Variants in NUP133 observed in about 807,000 individuals in gnomAD.
NUP133 encodes nucleoporin 133.
In NUP133, 66 loss-of-function variants were observed where a neutral mutation model predicts 146.2. The ratio of observed to expected loss-of-function variants is 0.45; its 90% CI spans 0.37 to 0.55. The LOEUF is 0.55. Among genes scored for constraint, NUP133 ranks in the 20% least tolerant of loss-of-function variants. NUP133 has a pLI of 0.00. For synonymous variants in NUP133, 521 were observed against 498.8 expected, an observed-to-expected ratio of 1.04 and a Z score of -0.59; for missense variants, 1,277 against 1,374.8, an observed-to-expected ratio of 0.93 and a Z score of 1.12.
chr1:229,448,990 T>C (rs1660379226), intron 24 of NUP133, 136 bp downstream of exon 24: 1 of 684,854 alleles, frequency 1.5e-6, no homozygotes, highest in African/African-American at 1.8e-5. Context: ...CAGAACTCAC[T>C]GGTTGCCCAG....
intron 8 of NUP133, among the ~76,000 whole-genome samples, chr1:229,493,988 G>A (rs151338260): frequency 0.027 from 4,119 of 151,990 alleles, 183 homozygotes; most frequent in African/African-American, 0.092. Flanking sequence ...AAAACTAGCC[G>A]GGAGTGGTGG....
intron 21 of NUP133, among the ~76,000 whole-genome samples, chr1:229,456,726 AT>A (rs1457436640): frequency 1.4e-5 from 2 of 146,536 alleles, no homozygotes; most frequent in Admixed American, 1.4e-4. Flanking sequence ...GATAAAATGT[AT>A]ATATATGTGT....
Position 229,462,564 on chromosome 1 carries a change from A to AT in NUP133, c.2685+978dup, listed in dbSNP as rs879753600. On this transcript the variant is annotated intron_variant, in intron 19 of 25. Transcript: ENST00000261396. ...CACTTAAGATAGTGTCACAATGGAA[A>AT]TTTTTTTTTTTTTTAAAGATAGGTC... Among the ~76,000 whole-genome samples, 235 of 146,102 alleles carry AT rather than the reference A, an allele frequency of 1.6e-3. 1 individual carries two copies. The highest frequency in any genetic ancestry group is 3.6e-3 in the African/African-American group (144 of 39,824).
chr1:229,466,614 C>A lies in NUP133; in HGVS notation c.2199+20G>T, dbSNP rs371892618. The A allele has an allele frequency of 8.9e-5, 143 of 1,613,508 alleles. No individual in the cohort carries two copies. The highest frequency in any genetic ancestry group is 3.3e-4 in the Middle Eastern group (2 of 6,058). On this transcript the variant is annotated intron_variant, in intron 16 of 25. Transcript: ENST00000261396. The stretch of plus-strand genomic sequence containing the variant: ...TGCCCTGGGCTTTGATTTGCTGAAG[C>A]CTTTACTATATTTTTGTACCTTGAG...
At chr1:229,498,670 T>G (rs1208919585) in intron 5 of NUP133, among the ~76,000 whole-genome samples, 2 of 151,444 alleles carry the variant, frequency 1.3e-5, no homozygotes, top group Admixed American at 6.6e-5. Context: ...GCACAAGAAT[T>G]GCTTGAACCC....
At chr1:229,471,723 T>G (rs1432141986) in intron 14 of NUP133, among the ~76,000 whole-genome samples, 4 of 152,216 alleles carry the variant, frequency 2.6e-5, no homozygotes, top group African/African-American at 4.8e-5. Flanking sequence ...TTAAGTATAA[T>G]TCTCTTTCGT....
intron 20 of NUP133, among the ~76,000 whole-genome samples, chr1:229,459,611 T>G (rs925724545): frequency 2.6e-5 from 4 of 152,194 alleles, no homozygotes; most frequent in Admixed American, 6.5e-5. Context: ...ATTCCACATA[T>G]GAGTTATTTG....
In NUP133 at chr1:229,473,671, C is replaced by T. The variant is rs186434005; in HGVS notation, c.1851+1967G>A. On this transcript the variant is annotated intron_variant, in intron 14 of 25. Coordinates refer to ENST00000261396, the MANE Select transcript of NUP133 (RefSeq NM_018230.3). ...GGGCACAGTGGCTCACACCTGTAAT[C>T]GCAGCACTTTGGGAGGCAGAGGCAG... 2.4e-4 allele frequency among the ~76,000 whole-genome samples: 37 copies of T among 152,254 alleles called. 1 individual carries two copies. In the East Asian group the frequency reaches 5.8e-3, roughly 24 times the overall value.
chr1:229,508,265 CG>C lies in NUP133; in HGVS notation c.-17del. The stretch of plus-strand genomic sequence containing the variant: ...CTGGGAACATGACTCCAAGGAGCAG[CG>C]ACTAGGACAGCGAGGGATCTGGCCG... On this transcript the variant is annotated 5_prime_UTR_variant, in exon 1 of 26. Transcript: ENST00000261396. The C allele has an allele frequency of 6.8e-7, 1 of 1,467,142 alleles. No homozygotes were observed. Among genetic ancestry groups the C allele is most frequent in the Non-Finnish European group, 9.0e-7 (1 of 1,106,384 alleles). The allele number at this position is 1,467,142 out of a possible 1,614,324, so 90.9% of individuals were successfully genotyped here. A position where few individuals can be genotyped will look rare whatever the true frequency, so the allele number is the denominator to read the frequency against.
At chr1:229,464,123 C>A (rs567802533) in intron 18 of NUP133, among the ~76,000 whole-genome samples, 25 of 151,902 alleles carry the variant, frequency 1.6e-4, no homozygotes, top group Non-Finnish European at 2.8e-4. Flanking sequence ...ACAGCCTGGG[C>A]GAGAGAGTGA....
At chr1:229,466,863 G>A in intron 15 of NUP133, 107 bp from the exon 16 acceptor site, 1 of 886,314 alleles carries the variant, frequency 1.1e-6, no homozygotes, top group Non-Finnish European at 1.6e-6. Flanking sequence ...ACCTATAGAT[G>A]GAGGAAAATT....
intron 13 of NUP133, among the ~76,000 whole-genome samples, chr1:229,476,942 A>AAAC (rs1243847618): frequency 2.4e-4 from 33 of 140,324 alleles, no homozygotes; most frequent in Admixed American, 1.5e-3. Flanking sequence ...AAAAAAAAAC[A>AAAC]AAAAAAAAAA....
chr1:229,461,680 G>A (rs1351625713), intron 19 of NUP133, among the ~76,000 whole-genome samples: 8 of 151,944 alleles, frequency 5.3e-5, no homozygotes, highest in Non-Finnish European at 8.8e-5. Context: ...ATAAAAGCAG[G>A]CAACATAAAC....
In NUP133 at chr1:229,495,904, G is replaced by A. The variant is rs34881534; in HGVS notation, c.963C>T (p.Thr321=). 8,682 of 1,592,694 alleles carry A rather than the reference G, an allele frequency of 5.5e-3. 411 individuals carry two copies. In the African/African-American group the frequency reaches 0.1, roughly 19 times the overall value. ...TATTGTTTCTTACCCAAATAGCATCGGTAATGTTTTCCTTCAGGGCTCTAT... is the reference window on the plus strand; with the variant it reads ...TATTGTTTCTTACCCAAATAGCATCAGTAATGTTTTCCTTCAGGGCTCTAT... ...DINRALKENI[T]DAIWGSESNY... is the part of the protein sequence containing the mutation. Residue 321 remains threonine, a synonymous_variant, in exon 7 of 26, where the codon ACC becomes ACT. Transcript: ENST00000261396.
At chr1:229,506,185 AC>A (rs1301595949) in intron 1 of NUP133, 27 bp from the exon 2 acceptor site, 3 of 1,291,926 alleles carry the variant, frequency 2.3e-6, no homozygotes, top group African/African-American at 1.5e-5. Flanking sequence ...ATATTACCTT[AC>A]TTGTAACTTA....
Position 229,458,148 on chromosome 1 carries a change from CA to C in NUP133, c.2980+12del, listed in dbSNP as rs946629943. 37 of 1,606,384 alleles carry C rather than the reference CA, an allele frequency of 2.3e-5. 1 individual carries two copies. The highest frequency in any genetic ancestry group is 8.5e-5 in the Admixed American group (5 of 58,824). On this transcript the variant is annotated intron_variant, in intron 21 of 25. Coordinates refer to ENST00000261396, the MANE Select transcript of NUP133 (RefSeq NM_018230.3). ...TGACCAATTTGTAAATCCTTTTGCT[CA>C]AATTCTTTCACCTTCAATTTTTTCT...
intron 9 of NUP133, among the ~76,000 whole-genome samples, chr1:229,488,603 G>T (rs1661420769): frequency 6.6e-6 from 1 of 151,130 alleles, no homozygotes; most frequent in African/African-American, 2.4e-5. Context: ...GTTTATTTCT[G>T]TTTGGCATAA....
chr1:229,450,395 T>A, intron 23 of NUP133, 130 bp downstream of exon 23: 1 of 490,206 alleles, frequency 2.0e-6, no homozygotes, highest in South Asian at 3.5e-5. Context: ...ATTCTAAGGA[T>A]TAAAGGTAGT....
At chr1:229,505,917 A>G in intron 2 of NUP133, 123 bp downstream of exon 2, 1 of 614,948 alleles carries the variant, frequency 1.6e-6, no homozygotes, top group Non-Finnish European at 2.9e-6. Flanking sequence ...AACACTAGAC[A>G]GGCCACCCAT....
Sources: allele counts gnomAD v4.1 joint callset (sites outside exome capture counted in the v4.1 genomes callset), GRCh38; gene constraint gnomAD v4.1.1; transcripts MANE v1.5; gene names NCBI Gene and HGNC (gene_info 2026-07-23, HGNC 2026-07-21).